The following ALCAM variants were observed in gnomAD, a reference collection of about 807,000 sequenced individuals.
ALCAM encodes CD166 antigen.
A neutral mutation model predicts 70.9 loss-of-function variants in ALCAM; 30 were observed. That is an observed-to-expected ratio of 0.42 (90% CI 0.32 to 0.57). ALCAM has a LOEUF of 0.57. Among genes scored for constraint, ALCAM ranks in the 20% least tolerant of loss-of-function variants. ALCAM has a pLI of 0.11. For synonymous variants in ALCAM, 249 were observed against 242.5 expected, an observed-to-expected ratio of 1.03 and a Z score of -0.25; for missense variants, 591 against 695.1, an observed-to-expected ratio of 0.85 and a Z score of 1.68.
At chr3:105,481,525 T>A (rs1938271393) in intron 1 of ALCAM, among the ~76,000 whole-genome samples, 1 of 152,188 alleles carries the variant, frequency 6.6e-6, no homozygotes, top group Admixed American at 6.5e-5. Context: ...ATTGAAGGAC[T>A]TAAAAATAAG....
intron 1 of ALCAM, among the ~76,000 whole-genome samples, chr3:105,431,704 G>A (rs974307348): frequency 2.0e-5 from 3 of 151,966 alleles, no homozygotes; most frequent in African/African-American, 7.3e-5. Flanking sequence ...CTATACAAAG[G>A]AACGAGTCTA....
rs545691387 is a variant in ALCAM at position 105,557,704 on chromosome 3, A to G, written c.1664+5119A>G. 1.7e-3 allele frequency among the ~76,000 whole-genome samples: 265 copies of G among 152,212 alleles called. 1 individual carries two copies. Among genetic ancestry groups the G allele is most frequent in the African/African-American group, 6.0e-3 (251 of 41,538 alleles). On this transcript the variant is annotated intron_variant, in intron 14 of 15. Transcript: ENST00000306107. ...CTTCCTGTTTTCATGCACATTCAGT[A>G]CAGTTGTGTTTTTTCTGATCCCTCA...
intron 1 of ALCAM, among the ~76,000 whole-genome samples, chr3:105,378,312 T>C (rs1446373129): frequency 6.6e-6 from 1 of 152,046 alleles, no homozygotes; most frequent in East Asian, 1.9e-4. Flanking sequence ...AATGTTTGTA[T>C]GCACATACTG....
At chr3:105,531,660 G>A (rs1425338585) in intron 3 of ALCAM, among the ~76,000 whole-genome samples, 2 of 152,048 alleles carry the variant, frequency 1.3e-5, no homozygotes, top group East Asian at 3.9e-4. Context: ...TGATAAGTAA[G>A]AAGTGCTCAT....
At chr3:105,441,845 CA>C (rs1937177207) in intron 1 of ALCAM, among the ~76,000 whole-genome samples, 1 of 152,208 alleles carries the variant, frequency 6.6e-6, no homozygotes, top group Non-Finnish European at 1.5e-5. Context: ...TTAAGAATTT[CA>C]ACTCCACTTA....
intron 14 of ALCAM, among the ~76,000 whole-genome samples, chr3:105,553,389 A>C (rs1940455647): frequency 6.6e-6 from 1 of 151,856 alleles, no homozygotes; most frequent in Non-Finnish European, 1.5e-5. Context: ...ATTCTGCGGC[A>C]TGCTGCTAGT....
intron 7 of ALCAM, among the ~76,000 whole-genome samples, chr3:105,540,484 C>G (rs1246675658): frequency 1.3e-5 from 2 of 151,998 alleles, no homozygotes; most frequent in Non-Finnish European, 2.9e-5. Flanking sequence ...ACCTCTAACC[C>G]TCAGAAGTAG....
At chr3:105,540,885 T>A (rs1205094230) in intron 7 of ALCAM, among the ~76,000 whole-genome samples, 2 of 152,038 alleles carry the variant, frequency 1.3e-5, no homozygotes, top group African/African-American at 4.8e-5. Context: ...GTATAAGTAA[T>A]TTCTTTATGC....
At chr3:105,558,786 A>G (rs1940570013) in intron 14 of ALCAM, among the ~76,000 whole-genome samples, 1 of 152,092 alleles carries the variant, frequency 6.6e-6, no homozygotes, top group Non-Finnish European at 1.5e-5. Context: ...CAATTTGGTG[A>G]GTCCCTGCAT....
intron 1 of ALCAM, among the ~76,000 whole-genome samples, chr3:105,434,429 T>C (rs569205408): frequency 1.3e-5 from 2 of 152,236 alleles, no homozygotes; most frequent in South Asian, 4.1e-4. Context: ...CACTTAAAAC[T>C]TAGCTTTGCT....
At position 105,532,935 on chromosome 3, in the gene ALCAM, G is replaced by T. The variant is rs568220299; in HGVS notation, c.460-668G>T. Among the ~76,000 whole-genome samples the T allele has an allele frequency of 5.3e-5, 8 of 152,264 alleles. No homozygotes were observed. The South Asian group carries it at 1.7e-3, about 32-fold the overall frequency. On this transcript the variant is annotated intron_variant, in intron 4 of 15. Coordinates refer to ENST00000306107, the MANE Select transcript of ALCAM (RefSeq NM_001627.4). ...ATCAGATTCGAACAACACATTAGCAGATATGTGAAGGGAAGCTGTATTAAA... is the reference window on the plus strand; with the variant it reads ...ATCAGATTCGAACAACACATTAGCATATATGTGAAGGGAAGCTGTATTAAA...
chr3:105,554,599 T>C lies in ALCAM; in HGVS notation c.1664+2014T>C, dbSNP rs150335631. On this transcript the variant is annotated intron_variant, in intron 14 of 15. Transcript: ENST00000306107. The stretch of plus-strand genomic sequence containing the variant: ...AACCACCACAACTTGGTAACCAATA[T>C]GTTCTTTTTCTCAATGAACATTTTA... Among the ~76,000 whole-genome samples, 5 of 152,102 alleles carry C rather than the reference T, an allele frequency of 3.3e-5. No individual in the cohort carries two copies. The East Asian group carries it at 9.7e-4, about 30-fold the overall frequency.
At chr3:105,569,602 TG>T (rs1230575987) in intron 14 of ALCAM, among the ~76,000 whole-genome samples, 1 of 152,140 alleles carries the variant, frequency 6.6e-6, no homozygotes, top group Non-Finnish European at 1.5e-5. Flanking sequence ...TAAGGAACAG[TG>T]GAAGGAAATA....
At chr3:105,444,096 A>G (rs1559793453) in intron 1 of ALCAM, among the ~76,000 whole-genome samples, 1 of 152,200 alleles carries the variant, frequency 6.6e-6, no homozygotes, top group Non-Finnish European at 1.5e-5. Context: ...GCCTCTTTTT[A>G]TAATATATTC....
intron 1 of ALCAM, among the ~76,000 whole-genome samples, chr3:105,411,410 C>T (rs1936387266): frequency 6.6e-6 from 1 of 151,944 alleles, no homozygotes; most frequent in South Asian, 2.1e-4. Context: ...GTAGAAATAG[C>T]AGTAGCAGTG....
At chr3:105,531,213 T>A (rs1282811817) in intron 3 of ALCAM, 6 of 152,088 alleles carry the variant, frequency 3.9e-5, no homozygotes, top group Admixed American at 6.5e-5. Flanking sequence ...TCAGTTTAAA[T>A]AATAAATTGT....
At chr3:105,389,685 T>A (rs964654037) in intron 1 of ALCAM, among the ~76,000 whole-genome samples, 1 of 151,496 alleles carries the variant, frequency 6.6e-6, no homozygotes, top group Non-Finnish European at 1.5e-5. Flanking sequence ...CAACACATCA[T>A]CTAGGTATTA....
chr3:105,563,845 G>A (rs1429469287), intron 14 of ALCAM, among the ~76,000 whole-genome samples: 1 of 148,870 alleles, frequency 6.7e-6, no homozygotes, highest in East Asian at 2.0e-4. Flanking sequence ...CCGCCACCGC[G>A]CCCGGCTAAT....
chr3:105,531,807 A>C (rs1294271353), intron 3 of ALCAM, among the ~76,000 whole-genome samples, 195 bp from the exon 4 acceptor site: 3 of 152,208 alleles, frequency 2.0e-5, no homozygotes, highest in Non-Finnish European at 4.4e-5. Flanking sequence ...CACTGAAAAT[A>C]ATATTTAAGA....
Sources: allele counts gnomAD v4.1 joint callset (sites outside exome capture counted in the v4.1 genomes callset), GRCh38; gene constraint gnomAD v4.1.1; transcripts MANE v1.5; gene names NCBI Gene and HGNC (gene_info 2026-07-23, HGNC 2026-07-21).